DCAF5: variants seen among roughly 807,000 people sequenced by gnomAD.
DCAF5 encodes the protein DDB1 and CUL4 associated factor 5, also known as DDB1- and CUL4-associated factor 5.
Under a neutral mutation model 80.7 loss-of-function variants are expected in DCAF5, and 9 were observed. The observed-to-expected ratio is 0.11, with a 90% CI of 0.07 to 0.19. The LOEUF (loss-of-function observed/expected upper bound fraction) is 0.19. Ranked by LOEUF, DCAF5 falls within the 10% of genes least tolerant of loss-of-function variation. The probability of loss-of-function intolerance (pLI) is 1.00; values close to 1 mark genes in which losing one functional copy is unlikely to be tolerated. For synonymous variants in DCAF5, 433 were observed against 461.9 expected (o/e 0.94, Z 0.80); for missense variants, 842 against 1,205.7 (o/e 0.70, Z 4.47).
chr14:69,108,367 G>A (rs185268078), intron 5 of DCAF5, among the ~76,000 whole-genome samples: 1 of 152,306 alleles, frequency 6.6e-6, no homozygotes, highest in East Asian at 1.9e-4. Context: ...CAAGAAAACA[G>A]GAGAAAGCAT....
intron 6 of DCAF5, among the ~76,000 whole-genome samples, chr14:69,087,914 A>G (rs138067776): frequency 4.9e-4 from 74 of 152,360 alleles, no homozygotes; most frequent in African/African-American, 1.6e-3. Flanking sequence ...AGAGGTTTCA[A>G]ACTGGTGGAT....
rs1473213811 is a variant in DCAF5, at chr14:69,152,939, C to T, written c.40G>A (p.Val14Met). 1.9e-6 allele frequency: 3 copies of T among 1,613,150 alleles called. No individual in the cohort carries two copies. The highest frequency in any genetic ancestry group is 2.5e-6 in the Non-Finnish European group (3 of 1,179,944). Residue 14 changes from valine (V) to methionine (M), a missense_variant, in exon 1 of 9, where the codon GTG becomes ATG. Val to Met is a conservative substitution (Grantham distance 21, BLOSUM62 1). This residue lies in a region of DCAF5 where 28 missense variants were observed against 28.7 expected (regional missense o/e 0.98). Coordinates refer to ENST00000341516, the MANE Select transcript of DCAF5 (RefSeq NM_003861.3). This position sits in a 1 kb window ranked among gnomAD's most constrained non-coding sequence, Gnocchi z 4.1. ...CCCCGCTGGGACAAGAAGCCCACCA[C>T]TGACCTCATGCTGCCCCCCAGGCCA... ...RAGLGGSMRS[V>M]VGFLSQRGLH...
At chr14:69,081,073 T>C (rs1329917121) in intron 6 of DCAF5, among the ~76,000 whole-genome samples, 1 of 151,308 alleles carries the variant, frequency 6.6e-6, no homozygotes, top group Non-Finnish European at 1.5e-5. Context: ...TAAAAGAATA[T>C]AAGAAAAAAT....
At chr14:69,067,653 CT>C (rs962808098) in intron 7 of DCAF5, among the ~76,000 whole-genome samples, 8 of 147,028 alleles carry the variant, frequency 5.4e-5, no homozygotes, top group Non-Finnish European at 7.5e-5. Flanking sequence ...CCCAGATATT[CT>C]TTTTTTTTTA....
chr14:69,117,523 C>G (rs1595030060), intron 4 of DCAF5, among the ~76,000 whole-genome samples: 1 of 152,206 alleles, frequency 6.6e-6, no homozygotes, highest in Non-Finnish European at 1.5e-5. Context: ...AAGGCTGGTA[C>G]TAGAGGAAGG....
At chr14:69,102,886 C>T (rs2140008831) in intron 5 of DCAF5, among the ~76,000 whole-genome samples, 1 of 152,274 alleles carries the variant, frequency 6.6e-6, no homozygotes, top group East Asian at 1.9e-4. Flanking sequence ...TGTTTATTAT[C>T]AAGTGTTACG....
intron 7 of DCAF5, among the ~76,000 whole-genome samples, chr14:69,072,396 A>G (rs1327878424): frequency 6.6e-6 from 1 of 152,088 alleles, no homozygotes; most frequent in African/African-American, 2.4e-5. Flanking sequence ...GGAGGTAATA[A>G]AAAAGAACAA....
chr14:69,088,134 C>T (rs921425885), intron 6 of DCAF5, among the ~76,000 whole-genome samples: 22 of 152,194 alleles, frequency 1.4e-4, no homozygotes, highest in African/African-American at 5.3e-4. Flanking sequence ...CAATCCCCAC[C>T]ACTCCTTAAT....
intron 6 of DCAF5, among the ~76,000 whole-genome samples, chr14:69,087,994 T>C (rs578026926): frequency 1.7e-4 from 26 of 152,350 alleles, no homozygotes; most frequent in Middle Eastern, 3.4e-3. Flanking sequence ...TGTTGTAATA[T>C]TTTAAAACCA....
In DCAF5 at chr14:69,053,515, G is replaced by A. The variant is rs372388916; in HGVS notation, c.*342C>T. The A allele has an allele frequency of 1.7e-4, 38 of 217,284 alleles. No individual in the cohort carries two copies. In the East Asian group the frequency reaches 1.9e-3, roughly 11 times the overall value. The allele number at this position is 217,284 out of a possible 1,614,324, so 13.5% of individuals were successfully genotyped here. On this transcript the variant is annotated 3_prime_UTR_variant, in exon 9 of 9. Transcript: ENST00000341516. The stretch of plus-strand genomic sequence containing the variant: ...AGGAAGGTCTTATGAGACAATAAGC[G>A]CACACGTGCCATTGTGCGTACACAA...
At chr14:69,060,752 G>A (rs779950939) in intron 8 of DCAF5, among the ~76,000 whole-genome samples, 9 of 151,896 alleles carry the variant, frequency 5.9e-5, no homozygotes, top group South Asian at 4.1e-4. Flanking sequence ...GGCTGGTCTC[G>A]AACACCTAAC....
In DCAF5 at chr14:69,133,205, C is replaced by T. The variant is rs181231913; in HGVS notation, c.215-10845G>A. On this transcript the variant is annotated intron_variant, in intron 1 of 8. Transcript: ENST00000341516. ...AAGCTACATAATATGAAGGGGTACA[C>T]AGCTACCAAGAGTCATTGTTGGCAT... 3.4e-4 allele frequency among the ~76,000 whole-genome samples: 52 copies of T among 152,260 alleles called. 1 individual carries two copies. The East Asian group carries it at 9.2e-3, about 27-fold the overall frequency.
intron 1 of DCAF5, among the ~76,000 whole-genome samples, chr14:69,140,077 G>A (rs550318124): frequency 2.0e-5 from 3 of 152,026 alleles, no homozygotes; most frequent in Admixed American, 2.0e-4. Context: ...ACTAGCCTGG[G>A]CGACGTAGAG....
intron 5 of DCAF5, among the ~76,000 whole-genome samples, chr14:69,100,580 T>C (rs1035297355): frequency 2.2e-4 from 33 of 152,368 alleles, no homozygotes; most frequent in African/African-American, 6.5e-4. Context: ...TTGGTTAGCA[T>C]TGGACATAGT....
chr14:69,144,494 C>A (rs2041475058), intron 1 of DCAF5, among the ~76,000 whole-genome samples: 1 of 151,830 alleles, frequency 6.6e-6, no homozygotes, highest in Non-Finnish European at 1.5e-5. Flanking sequence ...ATGGCATGAA[C>A]CTGGGAGGTG....
chr14:69,053,960 C>T lies in DCAF5; in HGVS notation c.2726G>A (p.Ser909Asn). The change falls in exon 9 of 9, where the codon AGT (serine) becomes AAT (asparagine). Residue 909 changes from serine to asparagine, a missense_variant. This residue lies in a region of DCAF5 where 607 missense variants were observed against 656.6 expected (regional missense o/e 0.92). Coordinates refer to ENST00000341516, the MANE Select transcript of DCAF5 (RefSeq NM_003861.3). ...EDPTDTPATDSSRAVHGHSGL... is the reference protein window; with the variant it reads ...EDPTDTPATDNSRAVHGHSGL... ...ACTGTGGCCATGAACAGCCCTGCTACTATCTGTGGCTGGGGTGTCAGTGGG... is the reference window on the plus strand; with the variant it reads ...ACTGTGGCCATGAACAGCCCTGCTATTATCTGTGGCTGGGGTGTCAGTGGG... 1.2e-6 allele frequency: 2 copies of T among 1,613,218 alleles called. No homozygotes were observed. The highest frequency in any genetic ancestry group is 2.2e-5 in the East Asian group (1 of 44,880).
chr14:69,111,869 A>G (rs772851062), intron 5 of DCAF5, among the ~76,000 whole-genome samples: 6 of 152,156 alleles, frequency 3.9e-5, no homozygotes, highest in Non-Finnish European at 8.8e-5. Context: ...CCCAGTGACC[A>G]CTCATCACCA....
intron 1 of DCAF5, among the ~76,000 whole-genome samples, chr14:69,143,173 C>G (rs2041426445): frequency 6.6e-6 from 1 of 152,110 alleles, no homozygotes; most frequent in Non-Finnish European, 1.5e-5. Context: ...CCGTCATCCT[C>G]CACTTACATA....
At chr14:69,084,828 T>C in intron 6 of DCAF5, 2 of 1,074,506 alleles carry the variant, frequency 1.9e-6, no homozygotes, top group Admixed American at 1.7e-5. Flanking sequence ...TGTACAGATG[T>C]GGCAGCAAGA....
Sources: allele counts gnomAD v4.1 joint callset (sites outside exome capture counted in the v4.1 genomes callset), GRCh38; gene constraint gnomAD v4.1.1; regional missense constraint gnomAD v4.1.1; non-coding constraint Gnocchi (gnomAD v3.1); transcripts MANE v1.5; gene names NCBI Gene and HGNC (gene_info 2026-07-23, HGNC 2026-07-21).